SCLT1: variants seen among roughly 807,000 people sequenced by gnomAD.
SCLT1 encodes the protein sodium channel and clathrin linker 1, also known as sodium channel-associated protein 1.
Under a neutral mutation model 112.8 loss-of-function variants are expected in SCLT1, and 78 were observed. The ratio of observed to expected loss-of-function variants is 0.69; its 90% CI spans 0.58 to 0.83. The LOEUF is 0.83. Among genes scored for constraint, SCLT1 ranks in the 40% least tolerant of loss-of-function variants. SCLT1 has a pLI of 0.00. For synonymous variants in SCLT1, 257 were observed against 254.7 expected, an observed-to-expected ratio of 1.01 and a Z score of -0.09; for missense variants, 747 against 770.4, an observed-to-expected ratio of 0.97 and a Z score of 0.36.
intron 9 of SCLT1, among the ~76,000 whole-genome samples, chr4:128,976,012 G>A (rs1741145333): frequency 1.3e-5 from 2 of 152,162 alleles, no homozygotes; most frequent in South Asian, 2.1e-4. Flanking sequence ...TTTTAAATAC[G>A]TTATTTGTAT....
Position 128,999,750 on chromosome 4 carries a change from C to A in SCLT1, c.471G>T (p.Glu157Asp), listed in dbSNP as rs2126082202. ...GGTAAAGCTTGTGTAGTCTGTCCAA[C>A]TCCTGAGAAACAGTCTGCCAGAGTT... Reference protein sequence around the residue: ...AVELWQTVSQELDRLHKLYQE... With the variant: ...AVELWQTVSQDLDRLHKLYQE... The change falls in exon 7 of 21, where the codon GAG becomes GAT. Residue 157 changes from glutamate (E) to aspartate (D), a missense_variant. Glu to Asp is a conservative substitution (Grantham distance 45). Transcript: ENST00000281142. The A allele has an allele frequency of 1.9e-6, 3 of 1,604,546 alleles. No individual in the cohort carries two copies. Among genetic ancestry groups the A allele is most frequent in the Non-Finnish European group, 2.6e-6 (3 of 1,173,992 alleles).
Position 128,946,108 on chromosome 4 carries a change from C to T in SCLT1, c.1338G>A (p.Leu446=), listed in dbSNP as rs369280416. 14 of 1,608,952 alleles carry T rather than the reference C, an allele frequency of 8.7e-6. No individual in the cohort carries two copies. In the African/African-American group the frequency reaches 1.7e-4, roughly 20 times the overall value. The stretch of plus-strand genomic sequence containing the variant: ...CCAGGAATCTTTGGTGCATTTCTTC[C>T]AGTTTTCTGTAATCACTCTCATTTC... ...GRGNESDYRK[L]EEMHQRFLVS... The change falls in exon 16 of 21, where the codon CTG becomes CTA. Residue 446 remains leucine, a synonymous_variant. Coordinates refer to ENST00000281142, the MANE Select transcript of SCLT1 (RefSeq NM_144643.4).
chr4:128,949,835 CT>C (rs1328985526), intron 14 of SCLT1, among the ~76,000 whole-genome samples: 1 of 121,814 alleles, frequency 8.2e-6, no homozygotes, highest in Non-Finnish European at 1.6e-5. Context: ...TGGGGTATGG[CT>C]TTTTTTCCTC....
At chr4:129,081,932 C>A (rs1751977205) in intron 2 of SCLT1, among the ~76,000 whole-genome samples, 1 of 151,758 alleles carries the variant, frequency 6.6e-6, no homozygotes, top group Admixed American at 6.6e-5. Flanking sequence ...GATATGACAA[C>A]CAAGGAAAAA....
chr4:128,901,196 A>T (rs1288471252), intron 18 of SCLT1, among the ~76,000 whole-genome samples: 4 of 152,238 alleles, frequency 2.6e-5, no homozygotes, highest in African/African-American at 9.6e-5. Flanking sequence ...ATTATAAATC[A>T]TGCTGCTATA....
At chr4:129,009,486 C>T (rs1412905111) in intron 5 of SCLT1, among the ~76,000 whole-genome samples, 1 of 151,364 alleles carries the variant, frequency 6.6e-6, no homozygotes, top group Non-Finnish European at 1.5e-5. Context: ...TGCACTCCAG[C>T]CTGGGCGACA....
intron 5 of SCLT1, among the ~76,000 whole-genome samples, chr4:129,025,783 G>A: frequency 6.6e-6 from 1 of 151,834 alleles, no homozygotes; most frequent in East Asian, 1.9e-4. Flanking sequence ...AGACACATCA[G>A]TGTGCTGTAT....
At chr4:129,028,177 T>A (rs1036000147) in intron 5 of SCLT1, among the ~76,000 whole-genome samples, 2 of 152,108 alleles carry the variant, frequency 1.3e-5, no homozygotes, top group Non-Finnish European at 2.9e-5. Context: ...AAAAAACTAC[T>A]TGAAATTTCA....
At chr4:128,965,352 G>C (rs761675451) in intron 10 of SCLT1, 34 bp from the exon 11 acceptor site, 10 of 1,386,988 alleles carry the variant, frequency 7.2e-6, no homozygotes, top group African/African-American at 1.4e-5. Flanking sequence ...CTTACTTTGA[G>C]TATGTGAAAA....
chr4:128,882,576 G>A (rs1469402838), downstream of SCLT1, among the ~76,000 whole-genome samples: 1 of 152,154 alleles, frequency 6.6e-6, no homozygotes, highest in African/African-American at 2.4e-5. Flanking sequence ...AGGAGTTATT[G>A]AATACCCTCC....
chr4:129,013,294 G>A (rs1258463966), intron 5 of SCLT1, among the ~76,000 whole-genome samples: 1 of 152,096 alleles, frequency 6.6e-6, no homozygotes, highest in Non-Finnish European at 1.5e-5. Flanking sequence ...TTTAATTGAG[G>A]CATTTAGCCC....
At chr4:129,091,810 G>C (rs1752848695) in intron 1 of SCLT1, among the ~76,000 whole-genome samples, 1 of 152,160 alleles carries the variant, frequency 6.6e-6, no homozygotes, top group Non-Finnish European at 1.5e-5. Context: ...AGAAAAGCTA[G>C]GAAACTTGCT....
intron 18 of SCLT1, among the ~76,000 whole-genome samples, chr4:128,919,159 A>C (rs895649889): frequency 1.3e-5 from 2 of 151,126 alleles, no homozygotes; most frequent in Admixed American, 6.6e-5. Context: ...ATACTCTAAA[A>C]TTGACCACAA....
intron 5 of SCLT1, among the ~76,000 whole-genome samples, chr4:129,014,721 T>C (rs369883906): frequency 4.6e-5 from 7 of 152,224 alleles, no homozygotes; most frequent in African/African-American, 1.4e-4. Context: ...GGTCACTACA[T>C]TCCAATGTGT....
chr4:128,996,162 C>T (rs552471537), intron 8 of SCLT1, among the ~76,000 whole-genome samples: 7 of 152,120 alleles, frequency 4.6e-5, no homozygotes, highest in African/African-American at 1.4e-4. Context: ...AAGAGAGGGT[C>T]TCAAATCTCC....
At chr4:128,956,387 A>T (rs1184928159) in intron 13 of SCLT1, among the ~76,000 whole-genome samples, 2 of 152,122 alleles carry the variant, frequency 1.3e-5, no homozygotes, top group Non-Finnish European at 2.9e-5. Flanking sequence ...AACTTCACAA[A>T]TAGGAAAGAC....
intron 4 of SCLT1, among the ~76,000 whole-genome samples, chr4:129,042,531 AAG>A (rs774614465): frequency 6.6e-6 from 1 of 152,228 alleles, no homozygotes; most frequent in Non-Finnish European, 1.5e-5. Context: ...AGGTTAAAAA[AAG>A]AGAGATGTAA....
chr4:128,908,027 G>A (rs17013912), intron 18 of SCLT1, among the ~76,000 whole-genome samples: 2,536 of 152,244 alleles, frequency 0.017, 55 homozygotes, highest in African/African-American at 0.051. Flanking sequence ...TTGAGGCACC[G>A]TTTAAGGTAA....
At chr4:129,054,706 T>C (rs1749188253) in intron 2 of SCLT1, among the ~76,000 whole-genome samples, 1 of 152,158 alleles carries the variant, frequency 6.6e-6, no homozygotes, top group African/African-American at 2.4e-5. Context: ...CATGCTCCTT[T>C]AGCTCAGAGG....
Sources: allele counts gnomAD v4.1 joint callset (sites outside exome capture counted in the v4.1 genomes callset), GRCh38; gene constraint gnomAD v4.1.1; transcripts MANE v1.5; gene names NCBI Gene and HGNC (gene_info 2026-07-23, HGNC 2026-07-21).